Variants in RARB observed in about 807,000 individuals in gnomAD.
The protein encoded by RARB is retinoic acid receptor beta, also known as HBV-activated protein.
Under a neutral mutation model 51.9 loss-of-function variants are expected in RARB, and 17 were observed. That is an observed-to-expected ratio of 0.33 (90% CI 0.22 to 0.49). The LOEUF is 0.49. Ranked by LOEUF, RARB falls within the 20% of genes least tolerant of loss-of-function variation. The pLI is 0.99. For synonymous variants in RARB, 215 were observed against 195.4 expected, an observed-to-expected ratio of 1.10 and a Z score of -0.84; for missense variants, 369 against 550.8, an observed-to-expected ratio of 0.67 and a Z score of 3.30.
At chr3:24,897,874 A>G (rs1401524317) in intron 2 of RARB, among the ~76,000 whole-genome samples, 4 of 152,210 alleles carry the variant, frequency 2.6e-5, no homozygotes, top group African/African-American at 9.7e-5. Flanking sequence ...TGAATTGCCA[A>G]GAAGACATTT....
At chr3:25,485,053 C>T (rs1163710611) in intron 2 of RARB, among the ~76,000 whole-genome samples, 1 of 152,196 alleles carries the variant, frequency 6.6e-6, no homozygotes. Flanking sequence ...ACACTCAAAA[C>T]ACTCTCTTTG....
chr3:25,459,691 G>A (rs1695077101), intron 1 of RARB, among the ~76,000 whole-genome samples: 1 of 152,128 alleles, frequency 6.6e-6, no homozygotes, highest in South Asian at 2.1e-4. Context: ...AAGTTTAGTG[G>A]GTAGAGTTGA....
intron 5 of RARB, among the ~76,000 whole-genome samples, chr3:25,219,875 C>T (rs1045285746): frequency 6.6e-6 from 1 of 152,092 alleles, no homozygotes; most frequent in Non-Finnish European, 1.5e-5. Flanking sequence ...AGCCTTGATA[C>T]AGGAAAAAAT....
In RARB at chr3:25,341,684, G is replaced by C. The variant is rs548978084; in HGVS notation, c.179-119509G>C. Among the ~76,000 whole-genome samples, 24 of 152,120 alleles carry C rather than the reference G, an allele frequency of 1.6e-4. 1 individual carries two copies. Among genetic ancestry groups the C allele is most frequent in the Middle Eastern group, 3.4e-3 (1 of 294 alleles). The stretch of plus-strand genomic sequence containing the variant: ...TTGACTATGTTTAGAACTACTTTTG[G>C]TTGTCACAACTGGAAGGGGAAAGCC... On this transcript the variant is annotated intron_variant, in intron 5 of 11. Coordinates refer to the RARB transcript ENST00000383772.
intron 3 of RARB, among the ~76,000 whole-genome samples, chr3:25,127,459 C>T (rs1699879175): frequency 6.6e-6 from 1 of 152,184 alleles, no homozygotes; most frequent in Non-Finnish European, 1.5e-5. Context: ...TGTAAATTAG[C>T]TGTGTCCCAA....
At chr3:25,528,558 C>G (rs926169836) in intron 3 of RARB, among the ~76,000 whole-genome samples, 5 of 151,866 alleles carry the variant, frequency 3.3e-5, no homozygotes, top group Non-Finnish European at 7.4e-5. Flanking sequence ...GGGAGGACTC[C>G]CCTCCTGCCA....
chr3:25,379,314 C>T (rs2125477831), intron 5 of RARB, among the ~76,000 whole-genome samples: 1 of 152,008 alleles, frequency 6.6e-6, no homozygotes, highest in East Asian at 1.9e-4. Context: ...GTGAGGAGTC[C>T]ACATCTTTCT....
intron 5 of RARB, among the ~76,000 whole-genome samples, chr3:25,207,179 C>A (rs1411216740): frequency 6.6e-6 from 1 of 152,104 alleles, no homozygotes. Flanking sequence ...TTATTCAGGG[C>A]AGAATAATGA....
chr3:25,074,605 T>A (rs955657260), intron 3 of RARB, among the ~76,000 whole-genome samples: 5 of 152,246 alleles, frequency 3.3e-5, no homozygotes, highest in African/African-American at 1.2e-4. Context: ...GTAGCTTTTT[T>A]TAATGGCTGT....
intron 5 of RARB, among the ~76,000 whole-genome samples, chr3:25,261,527 A>C (rs1702997824): frequency 6.6e-6 from 1 of 152,048 alleles, no homozygotes; most frequent in Admixed American, 6.6e-5. Context: ...TATCAACATT[A>C]TCTCTCATCT....
intron 5 of RARB, among the ~76,000 whole-genome samples, chr3:25,251,604 A>G (rs1397521013): frequency 2.0e-5 from 3 of 152,146 alleles, no homozygotes; most frequent in Non-Finnish European, 2.9e-5. Flanking sequence ...CATTTTCCTA[A>G]TGACTAATGA....
intron 2 of RARB, among the ~76,000 whole-genome samples, chr3:25,475,548 GAAA>G (rs944167552): frequency 2.6e-5 from 4 of 152,096 alleles, no homozygotes; most frequent in African/African-American, 9.7e-5. Flanking sequence ...ATATAGGAAA[GAAA>G]AAATAACAGA....
chr3:25,173,429 A>T (rs1039207202), intron 4 of RARB, among the ~76,000 whole-genome samples: 1 of 152,198 alleles, frequency 6.6e-6, no homozygotes. Context: ...CAAATGGGTC[A>T]ACAAATGGAT....
chr3:25,311,981 C>A (rs1222163072), intron 5 of RARB, among the ~76,000 whole-genome samples: 1 of 151,682 alleles, frequency 6.6e-6, no homozygotes, highest in Non-Finnish European at 1.5e-5. Context: ...TAATGTTGTA[C>A]TTGGTTAGAA....
At chr3:25,543,329 C>T (rs975375213) in intron 3 of RARB, among the ~76,000 whole-genome samples, 1 of 152,088 alleles carries the variant, frequency 6.6e-6, no homozygotes, top group Non-Finnish European at 1.5e-5. Context: ...TAGGAGTTGC[C>T]AGAAAGAATT....
chr3:24,926,033 A>C (rs1354714865), intron 2 of RARB, among the ~76,000 whole-genome samples: 1 of 152,126 alleles, frequency 6.6e-6, no homozygotes, highest in Non-Finnish European at 1.5e-5. Flanking sequence ...CTTCCTTGCA[A>C]AGTGAATTTA....
At chr3:25,027,749 C>T (rs1655847935) in intron 2 of RARB, among the ~76,000 whole-genome samples, 1 of 152,118 alleles carries the variant, frequency 6.6e-6, no homozygotes, top group South Asian at 2.1e-4. Flanking sequence ...CAATGTGCAT[C>T]TGGCTTAGAA....
chr3:24,958,736 TC>T (rs1169265653), intron 2 of RARB, among the ~76,000 whole-genome samples: 2 of 152,230 alleles, frequency 1.3e-5, no homozygotes, highest in Admixed American at 1.3e-4. Context: ...ATCAGATGTT[TC>T]TTGATGTCTG....
chr3:25,385,334 G>T (rs977577764), intron 5 of RARB, among the ~76,000 whole-genome samples: 1 of 152,056 alleles, frequency 6.6e-6, no homozygotes, highest in South Asian at 2.1e-4. Flanking sequence ...TTGGTCTCTG[G>T]ATCCTTCAAG....
Sources: allele counts gnomAD v4.1 joint callset (sites outside exome capture counted in the v4.1 genomes callset), GRCh38; gene constraint gnomAD v4.1.1; transcripts MANE v1.5; gene names NCBI Gene and HGNC (gene_info 2026-07-23, HGNC 2026-07-21).